The following EPHA6 variants were observed in gnomAD, a reference collection of about 807,000 sequenced individuals.
EPHA6 encodes ephrin type-A receptor 6.
In EPHA6, 50 loss-of-function variants were observed where a neutral mutation model predicts 112.0. The ratio of observed to expected loss-of-function variants is 0.45; its 90% CI spans 0.36 to 0.56. The LOEUF is 0.56. Ranked by LOEUF, EPHA6 falls within the 20% of genes least tolerant of loss-of-function variation. The pLI is 0.00. For synonymous variants in EPHA6, 529 were observed against 490.7 expected, an observed-to-expected ratio of 1.08 and a Z score of -1.03; for missense variants, 1,280 against 1,417.4, an observed-to-expected ratio of 0.90 and a Z score of 1.56.
intron 10 of EPHA6, among the ~76,000 whole-genome samples, chr3:97,509,682 A>G (rs2092328994): frequency 6.6e-6 from 1 of 152,024 alleles, no homozygotes; most frequent in Admixed American, 6.6e-5. Context: ...GCTCTTCTCA[A>G]GGAGTATCTT....
chr3:97,115,278 G>A (rs1456494449), intron 3 of EPHA6, among the ~76,000 whole-genome samples: 2 of 151,720 alleles, frequency 1.3e-5, no homozygotes, highest in Non-Finnish European at 2.9e-5. Flanking sequence ...GAGCCTAAAT[G>A]GGAGGGAATA....
chr3:96,914,246 G>A (rs906183487), intron 2 of EPHA6, among the ~76,000 whole-genome samples: 5 of 152,034 alleles, frequency 3.3e-5, no homozygotes, highest in Non-Finnish European at 7.4e-5. Flanking sequence ...TTGATGAATT[G>A]TAGATATCTA....
In EPHA6 at chr3:97,318,721, T is replaced by G. The variant is rs1481357795; in HGVS notation, c.1606+74434T>G. Reference sequence around the variant, plus strand: ...TCTTTATTAAAGAATAAAGAAATATTCTTTATGATAACATGAGCTGTCCAT... The same window carrying G: ...TCTTTATTAAAGAATAAAGAAATATGCTTTATGATAACATGAGCTGTCCAT... On this transcript the variant is annotated intron_variant, in intron 5 of 17. Transcript: ENST00000389672. Among the ~76,000 whole-genome samples the G allele has an allele frequency of 1.3e-5, 2 of 151,982 alleles. 1 individual carries two copies. Among genetic ancestry groups the G allele is most frequent in the African/African-American group, 4.8e-5 (2 of 41,338 alleles).
rs2036015746 is a variant in EPHA6, at chr3:97,755,971, T to C, written c.*7270T>C. ...ACTGCTTTTATAATTAAAAATCTCT[T>C]TCCTACCTTTAGTAATTTGTAGGAT... On this transcript the variant is annotated 3_prime_UTR_variant, in exon 18 of 18. Transcript: ENST00000389672. 6.6e-6 allele frequency among the ~76,000 whole-genome samples: 1 copy of C among 152,084 alleles called. No individual in the cohort carries two copies. The highest frequency in any genetic ancestry group is 6.5e-5 in the Admixed American group (1 of 15,274).
intron 3 of EPHA6, among the ~76,000 whole-genome samples, chr3:97,001,485 A>C (rs2043662056): frequency 6.6e-6 from 1 of 151,944 alleles, no homozygotes; most frequent in Admixed American, 6.6e-5. Flanking sequence ...TTTAGGAAAT[A>C]ATACTTTTTG....
chr3:97,590,711 T>C (rs190640257), intron 11 of EPHA6, among the ~76,000 whole-genome samples: 2 of 152,296 alleles, frequency 1.3e-5, no homozygotes, highest in African/African-American at 2.4e-5. Context: ...TAAAATTGCA[T>C]TATTTTAGCT....
intron 5 of EPHA6, among the ~76,000 whole-genome samples, chr3:97,314,215 A>G (rs116335786): frequency 0.021 from 3,255 of 151,600 alleles, 84 homozygotes; most frequent in African/African-American, 0.067. Flanking sequence ...TGGGCTTTCT[A>G]TTCTTTCCTA....
At chr3:97,093,689 T>C (rs747875497) in intron 3 of EPHA6, among the ~76,000 whole-genome samples, 44 of 152,174 alleles carry the variant, frequency 2.9e-4, no homozygotes, top group Non-Finnish European at 6.0e-4. Flanking sequence ...ATGCTATAAT[T>C]ATTATCATCG....
intron 3 of EPHA6, among the ~76,000 whole-genome samples, chr3:97,189,021 GA>G (rs2077230665): frequency 6.6e-6 from 1 of 151,736 alleles, no homozygotes; most frequent in Admixed American, 6.6e-5. Context: ...GATAAAAATT[GA>G]AAGAGTTGAT....
intron 5 of EPHA6, among the ~76,000 whole-genome samples, chr3:97,275,767 G>A (rs1684625182): frequency 1.3e-5 from 2 of 151,452 alleles, no homozygotes; most frequent in South Asian, 4.2e-4. Context: ...TTAATGAGAT[G>A]GTAAGGGGTG....
chr3:97,023,044 G>A (rs1364055079), intron 3 of EPHA6, among the ~76,000 whole-genome samples: 1 of 152,028 alleles, frequency 6.6e-6, no homozygotes, highest in Non-Finnish European at 1.5e-5. Context: ...TCATGCCGGG[G>A]CAGCAATAAA....
intron 2 of EPHA6, among the ~76,000 whole-genome samples, chr3:96,934,779 A>T (rs2040496645): frequency 1.3e-5 from 2 of 151,712 alleles, no homozygotes; most frequent in Admixed American, 6.6e-5. Context: ...AGTACCATAA[A>T]ATAATCACAT....
rs1014459323 is a variant in EPHA6, at chr3:97,749,012, A to T, written c.*311A>T. The T allele has an allele frequency of 9.5e-6, 3 of 317,210 alleles. No individual in the cohort carries two copies. The highest frequency in any genetic ancestry group is 1.8e-5 in the Non-Finnish European group (3 of 166,594). 19.6% of individuals were successfully genotyped at this position (317,210 alleles called of 1,614,324 possible). ...TGGGAAGTGTTCACGGACTTAACCTAAAAAAATTTATCCAGGTGGGGCTTC... is the reference window on the plus strand; with the variant it reads ...TGGGAAGTGTTCACGGACTTAACCTTAAAAAATTTATCCAGGTGGGGCTTC... On this transcript the variant is annotated 3_prime_UTR_variant, in exon 18 of 18. Transcript: ENST00000389672.
chr3:97,000,389 G>A (rs149626066), intron 3 of EPHA6, among the ~76,000 whole-genome samples: 6 of 150,832 alleles, frequency 4.0e-5, no homozygotes, highest in African/African-American at 1.5e-4. Context: ...ATATGTATAT[G>A]TTGGAGTTAA....
chr3:97,725,793 G>A (rs1478580321), intron 15 of EPHA6, among the ~76,000 whole-genome samples: 2 of 152,056 alleles, frequency 1.3e-5, no homozygotes, highest in East Asian at 3.9e-4. Context: ...TATCCCAGAT[G>A]TTGTCCCGTC....
chr3:97,676,791 AC>A, intron 14 of EPHA6, among the ~76,000 whole-genome samples: 2 of 152,208 alleles, frequency 1.3e-5, no homozygotes, highest in African/African-American at 4.8e-5. Flanking sequence ...ATGTAGTCAT[AC>A]CATTTTGTTG....
At chr3:97,003,514 T>C (rs1214670851) in intron 3 of EPHA6, among the ~76,000 whole-genome samples, 1 of 152,142 alleles carries the variant, frequency 6.6e-6, no homozygotes, top group Non-Finnish European at 1.5e-5. Context: ...CCACAGAGTT[T>C]CTTGTTGCTT....
At chr3:97,642,888 TC>T (rs147298892) in intron 14 of EPHA6, among the ~76,000 whole-genome samples, 144,782 of 145,986 alleles carry the variant, frequency 0.99, 71,809 homozygotes, top group Middle Eastern at 1. Flanking sequence ...CCAGGAGAAC[TC>T]TCCCCAATCT....
intron 3 of EPHA6, among the ~76,000 whole-genome samples, chr3:97,010,402 C>T (rs1010698323): frequency 3.9e-5 from 6 of 152,164 alleles, no homozygotes; most frequent in Non-Finnish European, 7.3e-5. Context: ...CTGTGTCAGA[C>T]ACCATATGGC....
Sources: gnomAD v4.1 joint callset for allele counts (sites outside exome capture counted in the v4.1 genomes callset) on GRCh38, gnomAD v4.1.1 for gene constraint, MANE v1.5 for transcripts, NCBI Gene and HGNC (gene_info 2026-07-23, HGNC 2026-07-21) for gene names.